Variants in ZNF568 observed in about 807,000 individuals in gnomAD.
The protein encoded by ZNF568 is p53 inhibitor of SCO2 activation.
Under a neutral mutation model 18.1 loss-of-function variants are expected in ZNF568, and 11 were observed. That is an observed-to-expected ratio of 0.61 (90% CI 0.38 to 1.00). The LOEUF (loss-of-function observed/expected upper bound fraction) is 1.00. ZNF568 is among the 50% of genes least tolerant of loss of function. ZNF568 has a pLI of 0.01. For synonymous variants in ZNF568, 213 were observed against 246.6 expected (o/e 0.86, Z 1.28); for missense variants, 639 against 768.2 (o/e 0.83, Z 1.99).
intron 6 of ZNF568, among the ~76,000 whole-genome samples, chr19:36,943,043 T>G (rs530168037): frequency 1.3e-5 from 2 of 152,336 alleles, no homozygotes; most frequent in South Asian, 4.1e-4. Flanking sequence ...GATTTGCCAT[T>G]TGACCTCCTT....
chr19:36,934,444 C>T (rs1403933844), intron 4 of ZNF568, among the ~76,000 whole-genome samples: 1 of 151,808 alleles, frequency 6.6e-6, no homozygotes, highest in Non-Finnish European at 1.5e-5. Context: ...CCCCTAAGCT[C>T]CCAGTAGCCG....
At chr19:36,975,551 A>AAT (rs947193359) in intron 7 of ZNF568, among the ~76,000 whole-genome samples, 16 of 151,734 alleles carry the variant, frequency 1.1e-4, no homozygotes, top group Non-Finnish European at 1.9e-4. Flanking sequence ...ACGCCCAGCT[A>AAT]ATTTTTCTAT....
rs35494587 is a variant in ZNF568 at position 36,958,616 on chromosome 19, C to CTTT, written c.359-15784_359-15782dup. On this transcript the variant is annotated intron_variant, in intron 6 of 7. Transcript: ENST00000427117. ...CTTTTTTTCTTTTTTCTTTTTCTTT[C>CTTT]TTTTTTTTTTTTTTTTTTTTTTGAG... Among the ~76,000 whole-genome samples the CTTT allele has an allele frequency of 4.9e-3, 489 of 99,110 alleles. 11 individuals are homozygous for CTTT. Among genetic ancestry groups the CTTT allele is most frequent in the African/African-American group, 9.4e-3 (211 of 22,438 alleles). The allele number at this position is 99,110 out of a possible 152,430, so 65.0% of individuals were successfully genotyped here. A position where few individuals can be genotyped will look rare whatever the true frequency, so the allele number is the denominator to read the frequency against.
intron 4 of ZNF568, among the ~76,000 whole-genome samples, chr19:36,927,901 ATATTTTTTTTTTTTTTTTTT>A (rs2073606668): frequency 2.2e-4 from 5 of 23,088 alleles, no homozygotes; most frequent in African/African-American, 8.7e-4. Context: ...ATATATATAT[ATATTTTTTTTTTTTTTTTTT>A]TTTTTTTTTT....
chr19:36,922,695 G>A lies in ZNF568; in HGVS notation c.-76G>A. 7.7e-7 allele frequency: 1 copy of A among 1,301,760 alleles called. No individual in the cohort carries two copies. The highest frequency in any genetic ancestry group is 1.1e-6 in the Non-Finnish European group (1 of 906,512). The allele number at this position is 1,301,760 out of a possible 1,614,324, so 80.6% of individuals were successfully genotyped here. On this transcript the variant is annotated 5_prime_UTR_variant, in exon 3 of 7. Transcript: ENST00000333987. ...CCTGAGACCTGCCTTAGAGGCTGGAGAGTCCTGAAAGAGAGTGGACCCTGG... is the reference window on the plus strand; with the variant it reads ...CCTGAGACCTGCCTTAGAGGCTGGAAAGTCCTGAAAGAGAGTGGACCCTGG...
chr19:36,937,717 A>G (rs2073814154), intron 6 of ZNF568, among the ~76,000 whole-genome samples: 1 of 152,096 alleles, frequency 6.6e-6, no homozygotes, highest in Non-Finnish European at 1.5e-5. Context: ...TTCACTTCCC[A>G]TTGTGCTTCA....
downstream of ZNF568, among the ~76,000 whole-genome samples, chr19:36,980,873 C>T (rs537175539): frequency 1.3e-5 from 2 of 152,294 alleles, no homozygotes; most frequent in East Asian, 3.9e-4. Context: ...CCACACGGCT[C>T]AAAGTCCCAA....
At chr19:36,959,556 T>C (rs930109883) in intron 6 of ZNF568, among the ~76,000 whole-genome samples, 3 of 152,220 alleles carry the variant, frequency 2.0e-5, no homozygotes, top group Admixed American at 6.5e-5. Flanking sequence ...TCTCCTCTTT[T>C]ATTTTTTGAA....
chr19:36,959,406 T>C (rs184864152), intron 6 of ZNF568, among the ~76,000 whole-genome samples: 3 of 152,288 alleles, frequency 2.0e-5, no homozygotes, highest in Admixed American at 2.0e-4. Context: ...CTATTGGATT[T>C]GGTTTGTTAG....
intron 7 of ZNF568, chr19:36,974,553 A>C (rs910172399): frequency 7.5e-7 from 1 of 1,338,290 alleles, no homozygotes; most frequent in Non-Finnish European, 1.0e-6. Context: ...AAATATTTAC[A>C]TTCATGATTT....
At chr19:36,963,047 T>C (rs2074167313) in intron 6 of ZNF568, among the ~76,000 whole-genome samples, 1 of 152,204 alleles carries the variant, frequency 6.6e-6, no homozygotes. Context: ...GAAGTTTTCA[T>C]CCATAATTTT....
downstream of ZNF568, among the ~76,000 whole-genome samples, chr19:36,983,414 T>TC (rs1318911091): frequency 6.6e-6 from 1 of 152,116 alleles, no homozygotes; most frequent in Admixed American, 6.5e-5. Context: ...ACCCGCATCC[T>TC]CCCCCCGCCC....
downstream of ZNF568, chr19:36,997,684 C>A: frequency 2.0e-6 from 2 of 1,007,774 alleles, no homozygotes; most frequent in Non-Finnish European, 3.0e-6. Flanking sequence ...CCTTAGTCAA[C>A]ATCAAAGAAT....
chr19:36,950,076 G>A lies in ZNF568; in HGVS notation c.923G>A (p.Cys308Tyr). 1 of 1,613,890 alleles carries A rather than the reference G, an allele frequency of 6.2e-7. No individual in the cohort carries two copies. The highest frequency in any genetic ancestry group is 8.5e-7 in the Non-Finnish European group (1 of 1,179,886). Residue 308 changes from cysteine (C) to tyrosine (Y), a missense_variant, in exon 7 of 7, where the codon TGT becomes TAT. Physicochemically the swap from Cys to Tyr is radical, Grantham distance 194. Coordinates refer to ENST00000333987, the MANE Select transcript of ZNF568 (RefSeq NM_198539.4). ...CATACTGGGGAGAAACCTTATGCAT[G>A]TAAGGATTGTTGGAAAGCCTTCAGT... is the stretch of plus-strand genomic sequence containing the variant. ...RIHTGEKPYA[C>Y]KDCWKAFSQK...
At chr19:36,955,821 TGAG>T (rs1449888738), downstream of ZNF568, among the ~76,000 whole-genome samples, 7 of 147,070 alleles carry the variant, frequency 4.8e-5, no homozygotes, top group African/African-American at 1.8e-4. Flanking sequence ...ATATGAAAGA[TGAG>T]GAGTAAAGAG....
chr19:36,973,812 G>A (rs1240202846), intron 6 of ZNF568: 1 of 153,150 alleles, frequency 6.5e-6, no homozygotes, highest in Admixed American at 6.5e-5. Flanking sequence ...GGGAGGGGGC[G>A]GGACACCCTC....
chr19:36,992,421 G>A, intron 4 of ZNF568, among the ~76,000 whole-genome samples: 1 of 151,696 alleles, frequency 6.6e-6, no homozygotes, highest in East Asian at 1.9e-4. Flanking sequence ...AGAATTGCTT[G>A]ATCCCAGGAG....
intron 4 of ZNF568, among the ~76,000 whole-genome samples, chr19:36,993,300 T>C (rs991488817): frequency 3.3e-5 from 5 of 152,218 alleles, no homozygotes; most frequent in African/African-American, 1.2e-4. Context: ...AAATTTTACC[T>C]GGATGTGGTA....
At chr19:36,956,309 G>A (rs1454434955), downstream of ZNF568, among the ~76,000 whole-genome samples, 3 of 152,174 alleles carry the variant, frequency 2.0e-5, no homozygotes, top group African/African-American at 7.2e-5. Context: ...CCTTATGCAA[G>A]GTTACACTGT....
Sources: gnomAD v4.1 joint callset for allele counts (sites outside exome capture counted in the v4.1 genomes callset) on GRCh38, gnomAD v4.1.1 for gene constraint, MANE v1.5 for transcripts, NCBI Gene and HGNC (gene_info 2026-07-23, HGNC 2026-07-21) for gene names.